Variants in APC2 observed in about 807,000 individuals in gnomAD.
APC2 encodes APC regulator of Wnt signaling pathway 2.
Under a neutral mutation model 72.5 loss-of-function variants are expected in APC2, and 41 were observed. The ratio of observed to expected loss-of-function variants is 0.57; its 90% CI spans 0.44 to 0.73. The LOEUF (loss-of-function observed/expected upper bound fraction) is 0.73. Ranked by LOEUF, APC2 falls within the 30% of genes least tolerant of loss-of-function variation. APC2 has a pLI of 0.00. For synonymous variants in APC2, 1,898 were observed against 1,612.0 expected (o/e 1.18, Z -4.25); for missense variants, 3,729 against 3,403.4 (o/e 1.10, Z -2.38).
Position 1,466,658 on chromosome 19 carries a change from C to T in APC2, c.3357C>T (p.Ala1119=). 6.7e-7 allele frequency: 1 copy of T among 1,495,326 alleles called. No homozygotes were observed. 92.6% of individuals were successfully genotyped at this position (1,495,326 alleles called of 1,614,324 possible). The change falls in exon 15 of 15, where the codon GCC becomes GCT. Residue 1119 remains alanine (A), a synonymous_variant. Coordinates refer to ENST00000590469, the MANE Select transcript of APC2 (RefSeq NM_005883.3). The stretch of plus-strand genomic sequence containing the variant: ...ACAGCACGTGGCGGGCGCCCGGGGC[C>T]ACCTCGCTGCCCGTAGCCATTCCGG... ...ELDSTWRAPG[A]TSLPVAIPAP... is the part of the protein sequence containing the mutation.
chr19:1,455,610 C>T (rs2083810785), intron 6 of APC2, 110 bp downstream of exon 6: 2 of 1,080,780 alleles, frequency 1.9e-6, no homozygotes, highest in South Asian at 2.8e-5. Context: ...GAGTCTTATG[C>T]CTCCTGGGTT....
Position 1,465,592 on chromosome 19 carries a change from T to C in APC2, c.2291T>C (p.Leu764Pro). ...TKKPLPPLRH[L>P]DGLAQDYASD... ...AAGCCGCTGCCGCCCCTGCGACACC[T>C]GGACGGCCTGGCCCAAGACTATGCT... is the stretch of plus-strand genomic sequence containing the variant. Residue 764 changes from leucine (L) to proline (P), a missense_variant, in exon 15 of 15, where the codon CTG (leucine) becomes CCG (proline). By Grantham distance (98) the Leu-to-Pro change is moderately conservative. Coordinates refer to ENST00000590469, the MANE Select transcript of APC2 (RefSeq NM_005883.3). 1 of 1,583,296 alleles carries C rather than the reference T, an allele frequency of 6.3e-7. No individual in the cohort carries two copies. Among genetic ancestry groups the C allele is most frequent in the East Asian group, 2.3e-5 (1 of 42,634 alleles).
chr19:1,462,002 C>A lies in APC2; in HGVS notation c.1678C>A (p.Leu560Met), dbSNP rs750914822. The stretch of plus-strand genomic sequence containing the variant: ...GAGCGTGCTGAGCGCCCTGTGGAAT[C>A]TGTCTGCACACAGCACAGAGAACAA... ...LKSVLSALWN[L>M]SAHSTENKAA... The change falls in exon 14 of 15, where the codon CTG becomes ATG. Residue 560 changes from leucine (L) to methionine (M), a missense_variant. Transcript: ENST00000590469. 6.2e-7 allele frequency: 1 copy of A among 1,613,014 alleles called. No homozygotes were observed. Among genetic ancestry groups the A allele is most frequent in the East Asian group, 2.2e-5 (1 of 44,884 alleles).
upstream of APC2, among the ~76,000 whole-genome samples, chr19:1,448,043 G>A (rs1214290532): frequency 6.6e-6 from 1 of 152,126 alleles, no homozygotes; most frequent in Non-Finnish European, 1.5e-5. Context: ...CGAGGCCAGA[G>A]AGAGACATGC....
Position 1,470,510 on chromosome 19 carries a change from T to G in APC2, c.*297T>G. On this transcript the variant is annotated 3_prime_UTR_variant, in exon 15 of 15. Transcript: ENST00000590469. ...AGCCCTGAGCGCGCGGCCCTTCCCCTGTCGGAAGCCGTTGCTTGACCCCGG... is the reference window on the plus strand; with the variant it reads ...AGCCCTGAGCGCGCGGCCCTTCCCCGGTCGGAAGCCGTTGCTTGACCCCGG... 13 of 320,566 alleles carry G rather than the reference T, an allele frequency of 4.1e-5. No homozygotes were observed. Among genetic ancestry groups the G allele is most frequent in the Non-Finnish European group, 2.9e-5 (5 of 175,336 alleles). 19.9% of individuals were successfully genotyped at this position (320,566 alleles called of 1,614,324 possible). A position where few individuals can be genotyped will look rare whatever the true frequency, so the allele number is the denominator to read the frequency against.
At position 1,466,027 on chromosome 19, in the gene APC2, C is replaced by T. The variant is rs750104957; in HGVS notation, c.2726C>T (p.Ala909Val). Reference sequence around the variant, plus strand: ...GGGCGGCGAGAGGCAGGAAGCCGGGCGCACCCGCTGCTGCGGCTCAAGGCG... The same window carrying T: ...GGGCGGCGAGAGGCAGGAAGCCGGGTGCACCCGCTGCTGCGGCTCAAGGCG... ...EGGRREAGSR[A>V]HPLLRLKAAH... The change falls in exon 15 of 15, where the codon GCG becomes GTG. Residue 909 changes from alanine to valine, a missense_variant. Physicochemically the swap from Ala to Val is moderately conservative, Grantham distance 64. Transcript: ENST00000590469. The T allele has an allele frequency of 1.3e-6, 2 of 1,493,784 alleles. No individual in the cohort carries two copies. The highest frequency in any genetic ancestry group is 2.5e-5 in the East Asian group (1 of 39,992). 92.5% of individuals were successfully genotyped at this position (1,493,784 alleles called of 1,614,324 possible). A position where few individuals can be genotyped will look rare whatever the true frequency, so the allele number is the denominator to read the frequency against.
In APC2 at chr19:1,467,936, G is replaced by C; in HGVS notation, c.4635G>C (p.Arg1545=). ...RAFTRERPQG[R]KEAPAPSKAA... ...TTACGCGGGAGCGTCCGCAGGGCCG[G>C]AAGGAGGCCCCTGCCCCGTCCAAGG... The change falls in exon 15 of 15, where the codon CGG becomes CGC. Residue 1545 remains arginine (R), a synonymous_variant. Coordinates refer to ENST00000590469, the MANE Select transcript of APC2 (RefSeq NM_005883.3). The C allele has an allele frequency of 6.3e-7, 1 of 1,586,424 alleles. No homozygotes were observed. The highest frequency in any genetic ancestry group is 8.5e-7 in the Non-Finnish European group (1 of 1,174,584).
rs1309786517 is a variant in APC2 at position 1,469,118 on chromosome 19, T to G, written c.5817T>G (p.Arg1939=). 2 of 1,362,680 alleles carry G rather than the reference T, an allele frequency of 1.5e-6. No homozygotes were observed. Among genetic ancestry groups the G allele is most frequent in the Non-Finnish European group, 1.9e-6 (2 of 1,048,744 alleles). The allele number at this position is 1,362,680 out of a possible 1,614,324, so 84.4% of individuals were successfully genotyped here. A position where few individuals can be genotyped will look rare whatever the true frequency, so the allele number is the denominator to read the frequency against. ...CGTTCATGCAGAGGCCGGCCCGGCG[T>G]GGGCCGCCACCGCTGGCTCGGGCAG... The part of the protein sequence containing the change: ...RIPFMQRPAR[R]GPPPLARAVP... Residue 1939 remains arginine (R), a synonymous_variant, in exon 15 of 15, where the codon CGT becomes CGG. Transcript: ENST00000590469.
intron 8 of APC2, among the ~76,000 whole-genome samples, chr19:1,456,631 C>T (rs1024362663): frequency 1.3e-5 from 2 of 152,108 alleles, no homozygotes; most frequent in Admixed American, 6.5e-5. Context: ...TAGACGTCCC[C>T]GTGGAGTCCC....
In APC2 at chr19:1,456,172, C is replaced by T; in HGVS notation, c.717+19C>T. Reference sequence around the variant, plus strand: ...GCCCCAGGTACCGGGTGGGGCAGAGCCAGGGACCAGGGGTGGTGTCGGCCC... The same window carrying T: ...GCCCCAGGTACCGGGTGGGGCAGAGTCAGGGACCAGGGGTGGTGTCGGCCC... On this transcript the variant is annotated intron_variant, in intron 7 of 14. Coordinates refer to ENST00000590469, the MANE Select transcript of APC2 (RefSeq NM_005883.3). The T allele has an allele frequency of 3.8e-6, 6 of 1,571,374 alleles. No individual in the cohort carries two copies. Among genetic ancestry groups the T allele is most frequent in the Non-Finnish European group, 5.2e-6 (6 of 1,161,298 alleles).
At chr19:1,449,009 G>A (rs994909039), upstream of APC2, among the ~76,000 whole-genome samples, 6 of 152,180 alleles carry the variant, frequency 3.9e-5, no homozygotes, top group South Asian at 6.2e-4. Context: ...GTGCTGGCCC[G>A]GGACAAGGCC....
At chr19:1,465,060 G>A (rs1599152682) in intron 14 of APC2, 95 bp from the exon 15 acceptor site, 1 of 1,384,296 alleles carries the variant, frequency 7.2e-7, no homozygotes, top group South Asian at 1.4e-5. Context: ...CTAACCAGAT[G>A]CGTTTACTTT....
Position 1,461,020 on chromosome 19 carries a change from C to T in APC2, c.1522-17C>T. The T allele has an allele frequency of 6.2e-7, 1 of 1,613,150 alleles. No individual in the cohort carries two copies. Among genetic ancestry groups the T allele is most frequent in the Middle Eastern group, 1.6e-4 (1 of 6,062 alleles). On this transcript the variant is annotated splice_polypyrimidine_tract_variant and intron_variant, in intron 12 of 14. Transcript: ENST00000590469. Reference sequence around the variant, plus strand: ...CTGGACCCTAGTCCCACCACACTTGCCCCTCACCCCACCCAGGTGGTGTCC... The same window carrying T: ...CTGGACCCTAGTCCCACCACACTTGTCCCTCACCCCACCCAGGTGGTGTCC...
Position 1,457,957 on chromosome 19 carries a change from G to A in APC2, c.1208-8G>A. On this transcript the variant is annotated splice_polypyrimidine_tract_variant and splice_region_variant and intron_variant, in intron 9 of 14. Coordinates refer to ENST00000590469, the MANE Select transcript of APC2 (RefSeq NM_005883.3). ...ATGGGGGCTCTGATCTGGTCCCTGT[G>A]CCCACAGCCCCGATCCCCATCGAGC... is the stretch of plus-strand genomic sequence containing the variant. The A allele has an allele frequency of 6.5e-7, 1 of 1,550,036 alleles. No individual in the cohort carries two copies. Among genetic ancestry groups the A allele is most frequent in the Non-Finnish European group, 8.7e-7 (1 of 1,147,932 alleles).
Position 1,469,828 on chromosome 19 carries a change from A to G in APC2, c.6527A>G (p.Asp2176Gly). ...ALPLRGSTPE[D>G]APAGPPPRKT... Reference sequence around the variant, plus strand: ...CCACTGCGGGGCTCCACGCCCGAGGACGCCCCGGCCGGGCCCCCGCCGCGC... The same window carrying G: ...CCACTGCGGGGCTCCACGCCCGAGGGCGCCCCGGCCGGGCCCCCGCCGCGC... Residue 2176 changes from aspartate to glycine, a missense_variant, in exon 15 of 15, where the codon GAC becomes GGC. Transcript: ENST00000590469. 1 of 1,518,168 alleles carries G rather than the reference A, an allele frequency of 6.6e-7. No individual in the cohort carries two copies. The highest frequency in any genetic ancestry group is 1.2e-5 in the South Asian group (1 of 83,090). The allele number at this position is 1,518,168 out of a possible 1,614,324, so 94.0% of individuals were successfully genotyped here. A position where few individuals can be genotyped will look rare whatever the true frequency, so the allele number is the denominator to read the frequency against.
In APC2 at chr19:1,452,712, G is replaced by A. The variant is rs915437138; in HGVS notation, c.-18-272G>A. 1 of 443,654 alleles carries A rather than the reference G, an allele frequency of 2.3e-6. No individual in the cohort carries two copies. The highest frequency in any genetic ancestry group is 2.0e-5 in the African/African-American group (1 of 50,642). The allele number at this position is 443,654 out of a possible 1,614,324, so 27.5% of individuals were successfully genotyped here. A position where few individuals can be genotyped will look rare whatever the true frequency, so the allele number is the denominator to read the frequency against. ...CCATCGTCTGTCGGTCGACTGGTCA[G>A]TTGGACGTTCAGCTGTCTGTACGTC... On this transcript the variant is annotated intron_variant, in intron 1 of 14. Coordinates refer to ENST00000590469, the MANE Select transcript of APC2 (RefSeq NM_005883.3). The surrounding 1 kb of genome is among the most constrained non-coding windows in gnomAD (Gnocchi z 5.1).
In APC2 at chr19:1,456,144, G is replaced by A. The variant is rs1380786486; in HGVS notation, c.708G>A (p.Thr236=). 1 of 1,589,840 alleles carries A rather than the reference G, an allele frequency of 6.3e-7. No homozygotes were observed. Among genetic ancestry groups the A allele is most frequent in the Middle Eastern group, 1.7e-4 (1 of 5,906 alleles). The part of the protein sequence containing the change: ...LLEAQDRVQQ[T]EPQALLAVKS... ...AGGCGCAGGACCGAGTGCAGCAGAC[G>A]GAGCCCCAGGTACCGGGTGGGGCAG... The change falls in exon 7 of 15, where the codon ACG becomes ACA. Residue 236 remains threonine, a synonymous_variant. Coordinates refer to ENST00000590469, the MANE Select transcript of APC2 (RefSeq NM_005883.3).
In APC2 at chr19:1,468,473, G is replaced by T; in HGVS notation, c.5172G>T (p.Leu1724=). Residue 1724 remains leucine, a synonymous_variant, in exon 15 of 15, where the codon CTG becomes CTT. Coordinates refer to ENST00000590469, the MANE Select transcript of APC2 (RefSeq NM_005883.3). ...CCATCCTGTCCTTCGTATCCGGGCT[G>T]TCAGTGGGATCCACCCTACAGCCCC... The part of the protein sequence containing the change: ...SDSILSFVSG[L]SVGSTLQPPK... 1 of 1,602,924 alleles carries T rather than the reference G, an allele frequency of 6.2e-7. No homozygotes were observed.
rs187812893 is a variant in APC2 at position 1,454,656 on chromosome 19, C to T, written c.414-493C>T. Among the ~76,000 whole-genome samples the T allele has an allele frequency of 9.9e-3, 1,502 of 151,400 alleles. 35 individuals are homozygous for T. Among genetic ancestry groups the T allele is most frequent in the African/African-American group, 0.035 (1,435 of 41,008 alleles). On this transcript the variant is annotated intron_variant, in intron 4 of 14. Coordinates refer to ENST00000590469, the MANE Select transcript of APC2 (RefSeq NM_005883.3). ...TCGGCTCACTGCAAGCTCCGCCTCC[C>T]GGGTTCACACCATTCTCCCACCTCA...
Sources: gnomAD v4.1 joint callset for allele counts (sites outside exome capture counted in the v4.1 genomes callset) on GRCh38, gnomAD v4.1.1 for gene constraint, Gnocchi (gnomAD v3.1) non-coding constraint, MANE v1.5 for transcripts, NCBI Gene and HGNC (gene_info 2026-07-23, HGNC 2026-07-21) for gene names.